ACSL1: variants seen among roughly 807,000 people sequenced by gnomAD.
ACSL1 encodes long-chain-fatty-acid--CoA ligase 1.
Under a neutral mutation model 98.4 loss-of-function variants are expected in ACSL1, and 41 were observed. That is an observed-to-expected ratio of 0.42 (90% confidence interval 0.32 to 0.54). ACSL1 has a LOEUF of 0.54. Among genes scored for constraint, ACSL1 ranks in the 20% least tolerant of loss-of-function variants. The probability of loss-of-function intolerance (pLI) is 0.13; values close to 1 mark genes in which losing one functional copy is unlikely to be tolerated. For synonymous variants in ACSL1, 316 were observed against 322.7 expected, an observed-to-expected ratio of 0.98 and a Z score of 0.22; for missense variants, 734 against 883.1, an observed-to-expected ratio of 0.83 and a Z score of 2.14.
intron 11 of ACSL1, among the ~76,000 whole-genome samples, chr4:184,769,080 T>C (rs1370243609): frequency 6.6e-6 from 1 of 150,996 alleles, no homozygotes; most frequent in Admixed American, 6.6e-5. Flanking sequence ...AATATATATA[T>C]ATATATATAT....
chr4:184,791,282 T>C (rs1768310217), intron 2 of ACSL1, among the ~76,000 whole-genome samples: 1 of 152,224 alleles, frequency 6.6e-6, no homozygotes. Context: ...AAGCTTGTTC[T>C]GAAGGAGCCC....
At chr4:184,815,346 G>C (rs896787009) in intron 1 of ACSL1, among the ~76,000 whole-genome samples, 1 of 152,168 alleles carries the variant, frequency 6.6e-6, no homozygotes, top group African/African-American at 2.4e-5. Context: ...GCAACCGTCA[G>C]GAGCCTCTGC....
chr4:184,800,447 C>T (rs1472632903), intron 2 of ACSL1, among the ~76,000 whole-genome samples: 1 of 152,172 alleles, frequency 6.6e-6, no homozygotes, highest in African/African-American at 2.4e-5. Context: ...ACTAGGGGGC[C>T]ATGGGGCTTC....
In ACSL1 at chr4:184,825,118, T is replaced by C; in HGVS notation, c.-33+798A>G. 1.1e-6 allele frequency: 1 copy of C among 942,874 alleles called. No individual in the cohort carries two copies. The highest frequency in any genetic ancestry group is 1.3e-6 in the Non-Finnish European group (1 of 791,178). The allele number at this position is 942,874 out of a possible 1,614,324, so 58.4% of individuals were successfully genotyped here. ...CACTCTTAATTATGCTCCATAACCT[T>C]GAAATTGGACTGAGTGGGGAAGGGG... On this transcript the variant is annotated intron_variant, in intron 1 of 20. Transcript: ENST00000281455. This position sits in a 1 kb window ranked among gnomAD's most constrained non-coding sequence, Gnocchi z 4.7.
rs556245680 is a variant in ACSL1 at position 184,767,986 on chromosome 4, C to T, written c.1128+330G>A. 3.4e-5 allele frequency: 14 copies of T among 411,540 alleles called. No homozygotes were observed. The South Asian group carries it at 1.1e-3, about 34-fold the overall frequency. The allele number at this position is 411,540 out of a possible 1,614,324, so 25.5% of individuals were successfully genotyped here. A position where few individuals can be genotyped will look rare whatever the true frequency, so the allele number is the denominator to read the frequency against. ...CCCATTAGCAACTTTTGGAGACAAA[C>T]AGTAGGAGAGAAGAGGTAAACAGTC... On this transcript the variant is annotated intron_variant, in intron 12 of 20. Coordinates refer to ENST00000281455, the MANE Select transcript of ACSL1 (RefSeq NM_001995.5).
chr4:184,811,160 G>C (rs757951931), intron 1 of ACSL1, among the ~76,000 whole-genome samples: 5 of 152,114 alleles, frequency 3.3e-5, no homozygotes, highest in East Asian at 1.9e-4. Context: ...CCAGGCTGGA[G>C]TGCAGTGGTG....
chr4:184,757,580 A>T lies in ACSL1; in HGVS notation c.1956+55T>A. The T allele has an allele frequency of 6.5e-7, 1 of 1,532,190 alleles. No individual in the cohort carries two copies. The highest frequency in any genetic ancestry group is 8.9e-7 in the Non-Finnish European group (1 of 1,120,868). The allele number at this position is 1,532,190 out of a possible 1,614,324, so 94.9% of individuals were successfully genotyped here. A position where few individuals can be genotyped will look rare whatever the true frequency, so the allele number is the denominator to read the frequency against. ...GTTTATATAATCTACCTGTAAAAAA[A>T]TCTTAATGGAAAATTTGTTTTACAG... On this transcript the variant is annotated intron_variant, in intron 20 of 20. Transcript: ENST00000281455. This position sits in a 1 kb window ranked among gnomAD's most constrained non-coding sequence, Gnocchi z 4.5.
chr4:184,818,851 C>T (rs931668839), intron 1 of ACSL1, among the ~76,000 whole-genome samples: 2 of 152,152 alleles, frequency 1.3e-5, no homozygotes, highest in Non-Finnish European at 2.9e-5. Context: ...CAGGCCAGTG[C>T]ACCAAAACAG....
chr4:184,784,580 T>C (rs1277423810), intron 3 of ACSL1, among the ~76,000 whole-genome samples: 1 of 152,130 alleles, frequency 6.6e-6, no homozygotes, highest in Non-Finnish European at 1.5e-5. Flanking sequence ...AAGCAAAAGT[T>C]AGGAAATACC....
intron 2 of ACSL1, among the ~76,000 whole-genome samples, chr4:184,800,094 T>C (rs1285739857): frequency 6.6e-6 from 1 of 152,208 alleles, no homozygotes; most frequent in African/African-American, 2.4e-5. Flanking sequence ...GTATAAAATA[T>C]GAAGATTAAA....
chr4:184,788,881 T>A (rs1300552091), intron 2 of ACSL1, 150 bp from the exon 3 acceptor site: 1 of 630,830 alleles, frequency 1.6e-6, no homozygotes, highest in East Asian at 2.7e-5. Context: ...CTCTTAGTAA[T>A]TTCAGGTATA....
chr4:184,811,213 A>G (rs968544384), intron 1 of ACSL1, among the ~76,000 whole-genome samples: 1 of 151,984 alleles, frequency 6.6e-6, no homozygotes, highest in African/African-American at 2.4e-5. Context: ...GGTTCACGCC[A>G]TTCTCCCACC....
At chr4:184,776,330 T>C (rs1377991543) in intron 7 of ACSL1, among the ~76,000 whole-genome samples, 154 bp downstream of exon 7, 1 of 152,246 alleles carries the variant, frequency 6.6e-6, no homozygotes, top group Admixed American at 6.5e-5. Context: ...TTTCCAGCAA[T>C]GAGACAGAAG....
intron 2 of ACSL1, among the ~76,000 whole-genome samples, chr4:184,799,236 C>T (rs1408658938): frequency 6.6e-6 from 1 of 151,734 alleles, no homozygotes; most frequent in East Asian, 1.9e-4. Flanking sequence ...CCCGTCTCAG[C>T]CTCCCGAGTA....
At chr4:184,788,114 G>A (rs578224366) in intron 3 of ACSL1, among the ~76,000 whole-genome samples, 4 of 152,306 alleles carry the variant, frequency 2.6e-5, no homozygotes. Context: ...AGGCCTGGGA[G>A]GGACAGAGGC....
At chr4:184,779,531 C>G (rs1765880893) in intron 5 of ACSL1, among the ~76,000 whole-genome samples, 1 of 152,176 alleles carries the variant, frequency 6.6e-6, no homozygotes, top group South Asian at 2.1e-4. Context: ...CCACCAATGA[C>G]AGACTGCCCA....
At chr4:184,809,574 C>T (rs1039712083) in intron 1 of ACSL1, among the ~76,000 whole-genome samples, 4 of 152,024 alleles carry the variant, frequency 2.6e-5, no homozygotes, top group African/African-American at 7.2e-5. Context: ...GGGCAGATCA[C>T]GAGGTCAGGA....
chr4:184,786,418 GCACACACACACACACACA>G (rs61564967), intron 3 of ACSL1, among the ~76,000 whole-genome samples: 99 of 138,952 alleles, frequency 7.1e-4, no homozygotes, highest in African/African-American at 2.2e-3. Context: ...TGGTGGCAAA[GCACACACACACACACACA>G]CACACACACA....
chr4:184,774,012 T>C (rs1272174167), intron 7 of ACSL1, 137 bp from the exon 8 acceptor site: 1 of 915,330 alleles, frequency 1.1e-6, no homozygotes, highest in African/African-American at 1.7e-5. Flanking sequence ...AATTTTCTAA[T>C]TAAAGAAACT....
Sources: gnomAD v4.1 joint callset for allele counts (sites outside exome capture counted in the v4.1 genomes callset) on GRCh38, gnomAD v4.1.1 for gene constraint, Gnocchi (gnomAD v3.1) non-coding constraint, MANE v1.5 for transcripts, NCBI Gene and HGNC (gene_info 2026-07-23, HGNC 2026-07-21) for gene names.